BAZ2B: variants seen among roughly 807,000 people sequenced by gnomAD.
The protein encoded by BAZ2B is bromodomain adjacent to zinc finger domain 2B.
Under a neutral mutation model 246.0 loss-of-function variants are expected in BAZ2B, and 91 were observed. That is an observed-to-expected ratio of 0.37 (90% CI 0.31 to 0.44). The LOEUF (loss-of-function observed/expected upper bound fraction) is 0.44. Ranked by LOEUF, BAZ2B falls within the 20% of genes least tolerant of loss-of-function variation. The probability of loss-of-function intolerance (pLI) is 1.00; values close to 1 mark genes in which losing one functional copy is unlikely to be tolerated. For missense variants in BAZ2B, 2,332 were observed against 2,533.7 expected (o/e 0.92, Z 1.71); for synonymous variants, 855 against 860.0 (o/e 0.99, Z 0.10).
intron 27 of BAZ2B, among the ~76,000 whole-genome samples, chr2:159,355,006 C>A (rs972306340): frequency 2.0e-5 from 3 of 152,084 alleles, no homozygotes; most frequent in Admixed American, 2.0e-4. Context: ...TCACTCTGAC[C>A]CCTGTTAGTT....
chr2:159,438,002 A>C, intron 8 of BAZ2B: 1 of 218,072 alleles, frequency 4.6e-6, no homozygotes, highest in Non-Finnish European at 8.9e-6. Context: ...TGTCTTACTC[A>C]AACATATTTA....
At chr2:159,547,517 C>T (rs2087537763) in intron 2 of BAZ2B, among the ~76,000 whole-genome samples, 3 of 152,156 alleles carry the variant, frequency 2.0e-5, no homozygotes, top group African/African-American at 7.2e-5. Flanking sequence ...CTGCAGACTA[C>T]AGTTATATTT....
At chr2:159,428,973 G>A (rs1351008506) in intron 11 of BAZ2B, among the ~76,000 whole-genome samples, 2 of 151,930 alleles carry the variant, frequency 1.3e-5, no homozygotes, top group Admixed American at 1.3e-4. Flanking sequence ...GTTCCTACTT[G>A]GCTGTATCAT....
At chr2:159,547,696 A>G (rs1230205178) in intron 2 of BAZ2B, among the ~76,000 whole-genome samples, 1 of 152,220 alleles carries the variant, frequency 6.6e-6, no homozygotes, top group East Asian at 1.9e-4. Context: ...GATTACAATA[A>G]GAAAACATCA....
chr2:159,579,903 T>C (rs1686312436), intron 1 of BAZ2B, among the ~76,000 whole-genome samples: 1 of 152,218 alleles, frequency 6.6e-6, no homozygotes, highest in Non-Finnish European at 1.5e-5. Context: ...AAACTAGGTA[T>C]TGATGGGATG....
At chr2:159,397,800 A>G (rs2064264756) in intron 18 of BAZ2B, among the ~76,000 whole-genome samples, 1 of 152,210 alleles carries the variant, frequency 6.6e-6, no homozygotes, top group African/African-American at 2.4e-5. Context: ...CTAGCTGATT[A>G]GAACTCTCTC....
chr2:159,657,244 C>A, the BAZ2B span, among the ~76,000 whole-genome samples: 1 of 152,244 alleles, frequency 6.6e-6, no homozygotes, highest in African/African-American at 2.4e-5. Context: ...AAAGGACTAT[C>A]CTTTCTACAT....
At chr2:159,496,789 A>C (rs1577785531) in intron 2 of BAZ2B, among the ~76,000 whole-genome samples, 1 of 132,920 alleles carries the variant, frequency 7.5e-6, no homozygotes, top group Middle Eastern at 3.6e-3. Flanking sequence ...GTCTCAAAAA[A>C]AAAAAAAAAA....
At chr2:159,460,316 A>G (rs887621678) in intron 3 of BAZ2B, 2 of 152,140 alleles carry the variant, frequency 1.3e-5, no homozygotes, top group African/African-American at 4.8e-5. Flanking sequence ...ACCAGTGAAC[A>G]AAATCTCCCA....
chr2:159,438,561 C>G lies in BAZ2B; in HGVS notation c.1035G>C (p.Lys345Asn). 6.2e-7 allele frequency: 1 copy of G among 1,614,150 alleles called. No individual in the cohort carries two copies. The highest frequency in any genetic ancestry group is 1.3e-5 in the African/African-American group (1 of 75,048). The change falls in exon 8 of 37, where the codon AAG (lysine) becomes AAC (asparagine). Residue 345 changes from lysine (K) to asparagine (N), a missense_variant. This residue lies in a region of BAZ2B where 161 missense variants were observed against 225.8 expected (regional missense o/e 0.71). Transcript: ENST00000392783. ...SQTHSFQSQQ[K>N]QPQVLSQQLP... ...GCTGCTGTGACAAAACCTGAGGCTG[C>G]TTCTGCTGGGATTGGAATGAGTGAG...
In BAZ2B at chr2:159,320,116, G is replaced by C; in HGVS notation, c.*149C>G. ...TTGTAGGAATGAAGCCTTTAAAAAT[G>C]GTATCATTCTTCTGATACTTTTTTT... On this transcript the variant is annotated 3_prime_UTR_variant, in exon 37 of 37. Coordinates refer to ENST00000392783, the MANE Select transcript of BAZ2B (RefSeq NM_013450.4). 1.5e-6 allele frequency: 1 copy of C among 688,976 alleles called. No individual in the cohort carries two copies. Among genetic ancestry groups the C allele is most frequent in the African/African-American group, 1.9e-5 (1 of 52,802 alleles). The allele number at this position is 688,976 out of a possible 1,614,324, so 42.7% of individuals were successfully genotyped here.
chr2:159,389,600 A>C, intron 20 of BAZ2B, 115 bp from the exon 21 acceptor site: 1 of 907,294 alleles, frequency 1.1e-6, no homozygotes, highest in South Asian at 2.6e-5. Flanking sequence ...TTACTCTCTA[A>C]TTTTCAAAAT....
intron 2 of BAZ2B, among the ~76,000 whole-genome samples, chr2:159,518,575 T>C (rs1418421293): frequency 1.3e-5 from 2 of 152,202 alleles, no homozygotes; most frequent in African/African-American, 4.8e-5. Context: ...AGTTTCCTAC[T>C]TTTTGCTTGC....
intron 1 of BAZ2B, among the ~76,000 whole-genome samples, chr2:159,583,118 T>C (rs117626141): frequency 0.28 from 41,867 of 149,424 alleles, 7,069 homozygotes; most frequent in South Asian, 0.46. Context: ...TTTTCTTTTT[T>C]TTTTTTTTTT....
chr2:159,711,848 G>A, the BAZ2B span: 1 of 152,032 alleles, frequency 6.6e-6, no homozygotes, highest in Admixed American at 6.6e-5. Context: ...CTGCAAAATC[G>A]ATGGCTACGC....
At chr2:159,493,399 T>C (rs1019719954) in intron 2 of BAZ2B, among the ~76,000 whole-genome samples, 9 of 152,200 alleles carry the variant, frequency 5.9e-5, no homozygotes, top group Admixed American at 5.2e-4. Context: ...TCTCACTTAG[T>C]GAGGAAGCCT....
At chr2:159,660,394 T>C in the BAZ2B span, among the ~76,000 whole-genome samples, 1 of 152,214 alleles carries the variant, frequency 6.6e-6, no homozygotes, top group Non-Finnish European at 1.5e-5. Context: ...TTCCATCTTT[T>C]GGCCATTATG....
chr2:159,698,168 T>C, the BAZ2B span, among the ~76,000 whole-genome samples: 2 of 152,126 alleles, frequency 1.3e-5, no homozygotes, highest in South Asian at 4.1e-4. Context: ...AGAAGTTTCA[T>C]TGCAGTACCT....
intron 2 of BAZ2B, among the ~76,000 whole-genome samples, chr2:159,487,917 A>C (rs974385099): frequency 6.6e-6 from 1 of 152,134 alleles, no homozygotes; most frequent in African/African-American, 2.4e-5. Context: ...TATTTGAAAG[A>C]ATAATCAAGA....
Sources: gnomAD v4.1 joint callset for allele counts (sites outside exome capture counted in the v4.1 genomes callset) on GRCh38, gnomAD v4.1.1 for gene constraint, gnomAD v4.1.1 regional missense constraint, MANE v1.5 for transcripts, NCBI Gene and HGNC (gene_info 2026-07-23, HGNC 2026-07-21) for gene names.